Variants in RANBP17 observed in about 807,000 individuals in gnomAD.
RANBP17 encodes ran-binding protein 17.
Under a neutral mutation model 141.2 loss-of-function variants are expected in RANBP17, and 158 were observed. That is an observed-to-expected ratio of 1.12 (90% CI 0.98 to 1.28). RANBP17 has a LOEUF of 1.28. RANBP17 is among the 50% of genes most tolerant of loss of function. The pLI, the probability that RANBP17 is intolerant of heterozygous loss-of-function variation, is 0.00. For synonymous variants in RANBP17, 430 were observed against 450.0 expected (o/e 0.96, Z 0.56); for missense variants, 1,438 against 1,290.7 (o/e 1.11, Z -1.75).
At chr5:171,244,638 G>C (rs1328298713) in intron 24 of RANBP17, among the ~76,000 whole-genome samples, 1 of 151,928 alleles carries the variant, frequency 6.6e-6, no homozygotes, top group Admixed American at 6.6e-5. Flanking sequence ...GTAGAGATAG[G>C]GTTTTGCCAT....
chr5:170,872,249 C>G (rs76814106), intron 1 of RANBP17, among the ~76,000 whole-genome samples: 1 of 151,924 alleles, frequency 6.6e-6, no homozygotes, highest in Non-Finnish European at 1.5e-5. Flanking sequence ...TGCTGTATTC[C>G]TCAGTATTTT....
chr5:170,910,775 G>C, intron 6 of RANBP17, 194 bp from the exon 7 acceptor site: 1 of 538,392 alleles, frequency 1.9e-6, no homozygotes, highest in Non-Finnish European at 3.3e-6. Context: ...TTAGCTGAAT[G>C]TGATTCTTTT....
chr5:170,965,409 C>A (rs1776481982), intron 13 of RANBP17, among the ~76,000 whole-genome samples: 1 of 151,974 alleles, frequency 6.6e-6, no homozygotes, highest in Admixed American at 6.6e-5. Flanking sequence ...TTAATTAGAT[C>A]CCATTTGTCA....
chr5:170,958,445 G>A (rs1775902660), intron 13 of RANBP17, among the ~76,000 whole-genome samples: 1 of 152,116 alleles, frequency 6.6e-6, no homozygotes, highest in Non-Finnish European at 1.5e-5. Context: ...TGGTGGGTGT[G>A]CAAGCAGGGC....
intron 12 of RANBP17, among the ~76,000 whole-genome samples, chr5:170,933,097 T>C (rs1773541201): frequency 6.6e-6 from 1 of 152,218 alleles, no homozygotes; most frequent in African/African-American, 2.4e-5. Flanking sequence ...GAACCTGTTA[T>C]TGGTCTATTC....
Position 171,271,710 on chromosome 5 carries a change from C to T in RANBP17, c.2943+5863C>T, listed in dbSNP as rs910060167. 2.0e-4 allele frequency: 42 copies of T among 211,252 alleles called. 1 individual carries two copies. The East Asian group carries it at 3.0e-3, about 15-fold the overall frequency. The allele number at this position is 211,252 out of a possible 1,614,324, so 13.1% of individuals were successfully genotyped here. A position where few individuals can be genotyped will look rare whatever the true frequency, so the allele number is the denominator to read the frequency against. On this transcript the variant is annotated intron_variant, in intron 25 of 27. Transcript: ENST00000523189. ...AAACAAACTGAAAGAACATTCACAACTGGATCAGGTAATAACGGATTTAAA... is the reference window on the plus strand; with the variant it reads ...AAACAAACTGAAAGAACATTCACAATTGGATCAGGTAATAACGGATTTAAA...
At chr5:171,031,683 G>A (rs949411499) in intron 14 of RANBP17, among the ~76,000 whole-genome samples, 2 of 151,912 alleles carry the variant, frequency 1.3e-5, no homozygotes, top group Non-Finnish European at 2.9e-5. Context: ...CATCTAAGAA[G>A]CTCTTTAAAT....
rs767903515 is a variant in RANBP17 at position 170,911,001 on chromosome 5, A to G, written c.627A>G (p.Gln209=). ...VFAKPLNLQD[Q]CQQNLVMQVL... ...CCAAACCTTTAAATCTTCAGGATCA[A>G]TGTCAGCAAAATCTGGTAATGCAGG... The change falls in exon 7 of 28, where the codon CAA becomes CAG. Residue 209 remains glutamine (Q), a synonymous_variant. Transcript: ENST00000523189. 14 of 1,611,390 alleles carry G rather than the reference A, an allele frequency of 8.7e-6. No homozygotes were observed. The highest frequency in any genetic ancestry group is 1.7e-5 in the Admixed American group (1 of 59,818).
chr5:170,991,143 TTCTC>T (rs1431705204), intron 14 of RANBP17, among the ~76,000 whole-genome samples: 1 of 151,986 alleles, frequency 6.6e-6, no homozygotes, highest in Non-Finnish European at 1.5e-5. Flanking sequence ...GCAATAATGC[TTCTC>T]TCTAGCCTGT....
intron 13 of RANBP17, among the ~76,000 whole-genome samples, chr5:170,957,318 A>G (rs573935410): frequency 1.6e-4 from 24 of 152,132 alleles, no homozygotes; most frequent in African/African-American, 2.2e-4. Context: ...GTTAGGGAGA[A>G]GAGTACATTT....
chr5:171,296,806 A>T (rs2128047216), intron 27 of RANBP17, among the ~76,000 whole-genome samples: 1 of 152,300 alleles, frequency 6.6e-6, no homozygotes, highest in South Asian at 2.1e-4. Context: ...CCAGCTACTC[A>T]GGAGGCTGAG....
At chr5:171,185,945 G>A (rs1761207164) in intron 18 of RANBP17, among the ~76,000 whole-genome samples, 1 of 152,180 alleles carries the variant, frequency 6.6e-6, no homozygotes, top group South Asian at 2.1e-4. Flanking sequence ...TTTCTGAGCA[G>A]TAGGCTTCAA....
chr5:171,286,521 G>A (rs1010698896), intron 25 of RANBP17, among the ~76,000 whole-genome samples: 1 of 152,066 alleles, frequency 6.6e-6, no homozygotes, highest in African/African-American at 2.4e-5. Flanking sequence ...AAAATTTAAT[G>A]TAACTTAGAT....
At chr5:171,199,822 A>T (rs1201658552) in intron 19 of RANBP17, 49 bp downstream of exon 19, 2 of 1,157,580 alleles carry the variant, frequency 1.7e-6, no homozygotes, top group Non-Finnish European at 2.5e-6. Flanking sequence ...TTTTTCTAGG[A>T]TATCTAGATC....
intron 2 of RANBP17, among the ~76,000 whole-genome samples, chr5:170,879,009 G>C (rs79447871): frequency 6.6e-6 from 1 of 152,000 alleles, no homozygotes; most frequent in Non-Finnish European, 1.5e-5. Flanking sequence ...TAATAATACA[G>C]GTCTGTTAAT....
At chr5:171,048,684 C>T (rs1014126551) in intron 14 of RANBP17, among the ~76,000 whole-genome samples, 3 of 138,538 alleles carry the variant, frequency 2.2e-5, no homozygotes, top group Admixed American at 7.3e-5. Context: ...CTCTCTGTCC[C>T]TGTGTACTCA....
chr5:170,919,904 A>G (rs1421745288), intron 11 of RANBP17, among the ~76,000 whole-genome samples: 2 of 151,820 alleles, frequency 1.3e-5, no homozygotes, highest in Middle Eastern at 3.2e-3. Flanking sequence ...AGAATGTTGT[A>G]TAAATGAAAT....
At chr5:171,218,119 AT>A (rs1763332494) in intron 21 of RANBP17, among the ~76,000 whole-genome samples, 1 of 151,852 alleles carries the variant, frequency 6.6e-6, no homozygotes, top group African/African-American at 2.4e-5. Context: ...TAAGGAACTA[AT>A]TTTTTTCTGC....
At chr5:171,167,226 A>G (rs954639891) in intron 14 of RANBP17, among the ~76,000 whole-genome samples, 2 of 152,158 alleles carry the variant, frequency 1.3e-5, no homozygotes, top group Non-Finnish European at 2.9e-5. Context: ...CGGTAGGAAA[A>G]CTTCCTTGTA....
Sources: gnomAD v4.1 joint callset for allele counts (sites outside exome capture counted in the v4.1 genomes callset) on GRCh38, gnomAD v4.1.1 for gene constraint, MANE v1.5 for transcripts, NCBI Gene and HGNC (gene_info 2026-07-23, HGNC 2026-07-21) for gene names.